NDRG2: variants seen among roughly 807,000 people sequenced by gnomAD.
NDRG2 encodes the protein protein NDRG2.
Under a neutral mutation model 58.2 loss-of-function variants are expected in NDRG2, and 34 were observed. That is an observed-to-expected ratio of 0.58 (90% CI 0.44 to 0.78). The LOEUF (loss-of-function observed/expected upper bound fraction) is 0.78. Ranked by LOEUF, NDRG2 falls within the 30% of genes least tolerant of loss-of-function variation. The probability of loss-of-function intolerance (pLI) is 0.00; values close to 1 mark genes in which losing one functional copy is unlikely to be tolerated. For synonymous variants in NDRG2, 187 were observed against 175.9 expected (o/e 1.06, Z -0.50); for missense variants, 434 against 471.2 (o/e 0.92, Z 0.73).
chr14:21,019,699 T>C lies in NDRG2; in HGVS notation c.656A>G (p.Asn219Ser), dbSNP rs1377414629. Reference sequence around the variant, plus strand: ...CAGGTTGGGTGCATGTGTAATGATATTTCTGTACTTTTGTATCAACTCAGA... The same window carrying C: ...CAGGTTGGGTGCATGTGTAATGATACTTCTGTACTTTTGTATCAACTCAGA... ...GNSELIQKYR[N>S]IITHAPNLDN... The change falls in exon 10 of 16, where the codon AAT becomes AGT. Residue 219 changes from asparagine to serine, a missense_variant. Transcript: ENST00000556147. 2.5e-6 allele frequency: 4 copies of C among 1,614,008 alleles called. No individual in the cohort carries two copies. Among genetic ancestry groups the C allele is most frequent in the East Asian group, 2.2e-5 (1 of 44,894 alleles).
At position 21,024,997 on chromosome 14, in the gene NDRG2, C is replaced by T. The variant is rs971435624; in HGVS notation, c.-974G>A. ...GCCGGCCCGGCTGGCGCCTTCCAGG[C>T]CCTACGGCCCCTCGCCTGCCCCTCC... On this transcript the variant is annotated 5_prime_UTR_variant, in exon 1 of 16. Coordinates refer to ENST00000556147, the MANE Select transcript of NDRG2 (RefSeq NM_001320329.2). 6.1e-6 allele frequency: 6 copies of T among 985,906 alleles called. No homozygotes were observed. The highest frequency in any genetic ancestry group is 7.2e-6 in the Non-Finnish European group (6 of 830,358). 61.1% of individuals were successfully genotyped at this position (985,906 alleles called of 1,614,324 possible).
upstream of NDRG2, chr14:21,025,762 G>A (rs1883517935): frequency 1.9e-5 from 5 of 263,070 alleles, no homozygotes; most frequent in South Asian, 8.0e-4. The surrounding 1 kb of genome is among the most constrained non-coding windows in gnomAD (Gnocchi z 5.1). Flanking sequence ...TGGGGGCGGG[G>A]AATGCGGGGG....
intron 1 of NDRG2, chr14:21,036,408 A>G (rs539227738): frequency 7.6e-5 from 28 of 367,790 alleles, no homozygotes; most frequent in South Asian, 5.1e-4. Context: ...CATAAAATAC[A>G]CTATCACTAA....
In NDRG2 at chr14:21,017,570, T is replaced by A. The variant is rs1218369295; in HGVS notation, c.*26A>T. 2.1e-5 allele frequency: 33 copies of A among 1,606,118 alleles called. No individual in the cohort carries two copies. Among genetic ancestry groups the A allele is most frequent in the Non-Finnish European group, 2.7e-5 (32 of 1,176,178 alleles). On this transcript the variant is annotated 3_prime_UTR_variant, in exon 16 of 16. Coordinates refer to ENST00000556147, the MANE Select transcript of NDRG2 (RefSeq NM_001320329.2). ...AGCTCTGGGGGAGGTGAGGGCTGGG[T>A]CCCACTCTAGGGCAACAAGGGCCAT...
Position 21,058,262 on chromosome 14 carries a change from C to A in NDRG2, c.24+12566G>T, listed in dbSNP as rs1328127729. ...CCCAAACTGCAGGTACAAAGAGAAG[C>A]ACCTGAACACACCTTACATAGTGGC... is the stretch of plus-strand genomic sequence containing the variant. On this transcript the variant is annotated intron_variant, in intron 1 of 14. Coordinates refer to the NDRG2 transcript ENST00000403829. 3.1e-6 allele frequency: 5 copies of A among 1,614,142 alleles called. No homozygotes were observed. Among genetic ancestry groups the A allele is most frequent in the Non-Finnish European group, 4.2e-6 (5 of 1,180,012 alleles).
intron 1 of NDRG2, among the ~76,000 whole-genome samples, chr14:21,062,747 T>TGTGTGTGTGTGTGTG (rs1886033675): frequency 2.8e-5 from 1 of 36,250 alleles, no homozygotes; most frequent in Non-Finnish European, 5.4e-5. Context: ...GTGTGTGTGT[T>TGTGTGTGTGTGTGTG]TTGTTATTTG....
intron 1 of NDRG2, among the ~76,000 whole-genome samples, chr14:21,054,791 A>G (rs935851141): frequency 6.6e-6 from 1 of 152,216 alleles, no homozygotes; most frequent in African/African-American, 2.4e-5. Context: ...TACAGTTTAT[A>G]TATAAAGTTG....
intron 2 of NDRG2, 33 bp from the exon 3 acceptor site, chr14:21,022,938 A>T (rs1359508716): frequency 1.2e-6 from 2 of 1,613,614 alleles, no homozygotes; most frequent in Non-Finnish European, 1.7e-6. Flanking sequence ...ACACAGAAAC[A>T]CATGACCATG....
intron 9 of NDRG2, 41 bp from the exon 10 acceptor site, chr14:21,019,783 G>T: frequency 6.5e-7 from 1 of 1,538,044 alleles, no homozygotes. Flanking sequence ...GATGGAAAGA[G>T]AAAACAACAA....
In NDRG2 at chr14:21,022,423, C is replaced by T. The variant is rs138902025; in HGVS notation, c.192G>A (p.Ala64=). 3.7e-6 allele frequency: 6 copies of T among 1,613,810 alleles called. 1 individual carries two copies. The highest frequency in any genetic ancestry group is 3.3e-5 in the South Asian group (3 of 91,072). Residue 64 remains alanine (A), a synonymous_variant, in exon 4 of 16, where the codon GCG becomes GCA. Transcript: ENST00000556147. ...VYGTPKPKRP[A]ILTYHDVGLN... ...GTCCCACATCGTGGTAGGTAAGGATCGCTGGGCGTTTGGGTTTGGGGGTGC... is the reference window on the plus strand; with the variant it reads ...GTCCCACATCGTGGTAGGTAAGGATTGCTGGGCGTTTGGGTTTGGGGGTGC...
intron 13 of NDRG2, 101 bp from the exon 14 acceptor site, chr14:21,018,340 CCTTT>C: frequency 6.2e-7 from 1 of 1,602,282 alleles, no homozygotes; most frequent in Non-Finnish European, 8.5e-7. Flanking sequence ...CACTCTAGCC[CCTTT>C]GTTTTGTTCT....
chr14:21,023,477 C>T (rs766586009), intron 1 of NDRG2, 156 bp from the exon 2 acceptor site: 6 of 635,634 alleles, frequency 9.4e-6, no homozygotes, highest in Non-Finnish European at 1.7e-5. Flanking sequence ...TTTCCTGCCC[C>T]CAGCTCCGTT....
At position 21,017,725 on chromosome 14, in the gene NDRG2, A is replaced by G. The variant is rs376924416; in HGVS notation, c.987T>C (p.Arg329=). Residue 329 remains arginine, a synonymous_variant, in exon 16 of 16, where the codon CGT becomes CGC. Coordinates refer to ENST00000556147, the MANE Select transcript of NDRG2 (RefSeq NM_001320329.2). Reference sequence around the variant, plus strand: ...ATGCTGCACTGGTCAGAGAGGCTGTACGAGACCGGGACAGGCGAGTCATGC... The same window carrying G: ...ATGCTGCACTGGTCAGAGAGGCTGTGCGAGACCGGGACAGGCGAGTCATGC... ...SSCMTRLSRS[R]TASLTSAASV... The G allele has an allele frequency of 2.5e-6, 4 of 1,603,644 alleles. No individual in the cohort carries two copies. Among genetic ancestry groups the G allele is most frequent in the Non-Finnish European group, 3.4e-6 (4 of 1,174,882 alleles).
rs111827146 is a variant in NDRG2 at position 21,018,507 on chromosome 14, G to A, written c.814-3C>T. The stretch of plus-strand genomic sequence containing the variant: ...TCCAGTTTTGAGTTACATTCCACCT[G>A]GAGTAAGCAGGAGGCTGAATGAATG... On this transcript the variant is annotated splice_region_variant and splice_polypyrimidine_tract_variant and intron_variant, in intron 12 of 15. Transcript: ENST00000556147. 1 of 1,613,878 alleles carries A rather than the reference G, an allele frequency of 6.2e-7. No homozygotes were observed. The highest frequency in any genetic ancestry group is 1.3e-5 in the African/African-American group (1 of 75,012).
In NDRG2 at chr14:21,018,522, C is replaced by T. The variant is rs1403944825; in HGVS notation, c.814-18G>A. 1 of 1,613,428 alleles carries T rather than the reference C, an allele frequency of 6.2e-7. No individual in the cohort carries two copies. Among genetic ancestry groups the T allele is most frequent in the Non-Finnish European group, 8.5e-7 (1 of 1,179,682 alleles). ...CATTCCACCTGGAGTAAGCAGGAGG[C>T]TGAATGAATGAGGTCACGCCCACTG... On this transcript the variant is annotated intron_variant, in intron 12 of 15. Transcript: ENST00000556147.
chr14:21,021,374 G>T, intron 6 of NDRG2: 4 of 326,344 alleles, frequency 1.2e-5, no homozygotes, highest in South Asian at 1.1e-4. Flanking sequence ...ACCTCCCTCT[G>T]AATACCAAAG....
intron 1 of NDRG2, chr14:21,023,620 G>T: frequency 2.7e-6 from 1 of 368,168 alleles, no homozygotes; most frequent in Non-Finnish European, 5.1e-6. Context: ...AAAATACCAG[G>T]GTGGGGCAGA....
chr14:21,052,496 G>A (rs949377266), intron 1 of NDRG2, among the ~76,000 whole-genome samples: 1 of 152,344 alleles, frequency 6.6e-6, no homozygotes, highest in Middle Eastern at 3.4e-3. Context: ...GGGAGGACTT[G>A]CAGGGAAGAG....
chr14:21,039,867 G>A (rs1325158096), intron 1 of NDRG2, among the ~76,000 whole-genome samples: 2 of 152,196 alleles, frequency 1.3e-5, no homozygotes, highest in Non-Finnish European at 2.9e-5. Flanking sequence ...GAGCAAACTA[G>A]GATAATTATA....
Sources: allele counts gnomAD v4.1 joint callset (sites outside exome capture counted in the v4.1 genomes callset), GRCh38; gene constraint gnomAD v4.1.1; non-coding constraint Gnocchi (gnomAD v3.1); transcripts MANE v1.5; gene names NCBI Gene and HGNC (gene_info 2026-07-23, HGNC 2026-07-21).